The following SNX29 variants were observed in gnomAD, a reference collection of about 807,000 sequenced individuals.
The protein encoded by SNX29 is sorting nexin-29.
SNX29 carries 78 observed loss-of-function variants against 102.1 expected under a neutral mutation model. The observed-to-expected ratio is 0.76, with a 90% CI of 0.64 to 0.92. The LOEUF (loss-of-function observed/expected upper bound fraction) is 0.92. Ranked by LOEUF, SNX29 falls within the 40% of genes least tolerant of loss-of-function variation. SNX29 has a pLI of 0.00. For synonymous variants in SNX29, 580 were observed against 414.5 expected (o/e 1.40, Z -4.85); for missense variants, 1,280 against 1,061.7 (o/e 1.21, Z -2.86).
In SNX29 at chr16:12,047,523, T is replaced by C. The variant is rs544296379; in HGVS notation, c.500-849T>C. Among the ~76,000 whole-genome samples, 230 of 152,274 alleles carry C rather than the reference T, an allele frequency of 1.5e-3. 1 individual carries two copies. The highest frequency in any genetic ancestry group is 6.8e-3 in the Middle Eastern group (2 of 294). On this transcript the variant is annotated intron_variant, in intron 6 of 20. Transcript: ENST00000566228. Reference sequence around the variant, plus strand: ...GTTAACCAGTGCACATTTGATGGTTTATGGAGCTGAGTGTTTTGTGAGTGA... The same window carrying C: ...GTTAACCAGTGCACATTTGATGGTTCATGGAGCTGAGTGTTTTGTGAGTGA...
intron 18 of SNX29, among the ~76,000 whole-genome samples, chr16:12,410,462 T>C (rs75766911): frequency 0.018 from 2,688 of 152,262 alleles, 91 homozygotes; most frequent in African/African-American, 0.06. Flanking sequence ...TATTACTTTG[T>C]TGGAGACAGG....
At chr16:12,539,973 T>C (rs2077252821) in intron 20 of SNX29, among the ~76,000 whole-genome samples, 2 of 152,198 alleles carry the variant, frequency 1.3e-5, no homozygotes, top group African/African-American at 2.4e-5. Flanking sequence ...GTTGCACATA[T>C]TTTCTTCTAG....
chr16:12,051,710 T>A, intron 7 of SNX29, 137 bp from the exon 8 acceptor site: 1 of 1,294,990 alleles, frequency 7.7e-7, no homozygotes, highest in Non-Finnish European at 1.0e-6. Flanking sequence ...CTGAGGATTT[T>A]AAAAAGTCTG....
At chr16:12,291,905 T>G (rs2079809412) in intron 15 of SNX29, among the ~76,000 whole-genome samples, 1 of 152,140 alleles carries the variant, frequency 6.6e-6, no homozygotes, top group African/African-American at 2.4e-5. Context: ...GAGAGCCAGA[T>G]CAGTGGATAT....
chr16:12,398,416 T>G (rs779476923), intron 16 of SNX29, 30 bp from the exon 17 acceptor site: 2 of 1,613,270 alleles, frequency 1.2e-6, no homozygotes, highest in South Asian at 1.1e-5. Context: ...ATGCATTTTT[T>G]CTCCCCTCTC....
chr16:12,198,342 A>G (rs911579839), intron 13 of SNX29, among the ~76,000 whole-genome samples: 2 of 152,202 alleles, frequency 1.3e-5, no homozygotes, highest in Admixed American at 6.5e-5. Context: ...ACCTAGAGAA[A>G]TAATAGGATG....
chr16:12,417,697 C>G (rs1019707382), intron 18 of SNX29, among the ~76,000 whole-genome samples: 3 of 150,846 alleles, frequency 2.0e-5, no homozygotes, highest in African/African-American at 7.4e-5. Context: ...GTTCTGTGTC[C>G]TCTCTTCTCT....
At chr16:12,537,553 C>T (rs556389025) in intron 20 of SNX29, among the ~76,000 whole-genome samples, 9 of 152,272 alleles carry the variant, frequency 5.9e-5, no homozygotes, top group East Asian at 5.8e-4. Context: ...TGGAGCTTCT[C>T]GAAGGGAAGC....
At chr16:12,169,257 C>T (rs1018682117) in intron 13 of SNX29, among the ~76,000 whole-genome samples, 1 of 152,178 alleles carries the variant, frequency 6.6e-6, no homozygotes, top group African/African-American at 2.4e-5. Flanking sequence ...TCCGGGAGCC[C>T]CAGTTCTAGG....
chr16:12,536,470 T>G (rs997860020), intron 20 of SNX29, among the ~76,000 whole-genome samples: 1 of 152,164 alleles, frequency 6.6e-6, no homozygotes, highest in Non-Finnish European at 1.5e-5. Flanking sequence ...CTATGCCGTT[T>G]ACTTTATCAG....
Position 12,080,443 on chromosome 16 carries a change from C to T in SNX29, c.1402+1528C>T, listed in dbSNP as rs1323688895. On this transcript the variant is annotated intron_variant, in intron 11 of 20. Coordinates refer to ENST00000566228, the MANE Select transcript of SNX29 (RefSeq NM_032167.5). ...TTAATAGATCACTCAGTCCATGGGA[C>T]ACAGGGTGGGTGAGTATGTAGCTGG... Among the ~76,000 whole-genome samples the T allele has an allele frequency of 3.3e-5, 5 of 152,338 alleles. No homozygotes were observed. The East Asian group carries it at 9.6e-4, about 29-fold the overall frequency.
At chr16:12,478,445 AT>A (rs1172318325) in intron 19 of SNX29, among the ~76,000 whole-genome samples, 1 of 152,170 alleles carries the variant, frequency 6.6e-6, no homozygotes. Flanking sequence ...AAGGTTAATG[AT>A]TTATGATGAC....
chr16:12,518,738 T>C (rs945496081), intron 19 of SNX29, among the ~76,000 whole-genome samples: 1 of 152,190 alleles, frequency 6.6e-6, no homozygotes, highest in Non-Finnish European at 1.5e-5. Flanking sequence ...TGGTGGGCCA[T>C]GTCAGCTACC....
intron 1 of SNX29, chr16:11,977,944 C>T (rs2055338419): frequency 6.6e-6 from 1 of 152,234 alleles, no homozygotes. Context: ...TTCTGAGGAT[C>T]CCTGCATCCA....
At chr16:12,285,410 A>G (rs907090407) in intron 15 of SNX29, among the ~76,000 whole-genome samples, 1 of 152,234 alleles carries the variant, frequency 6.6e-6, no homozygotes, top group South Asian at 2.1e-4. Context: ...TAAGACACTT[A>G]TCGTTTACTG....
At chr16:12,254,712 G>A (rs957646854) in intron 14 of SNX29, among the ~76,000 whole-genome samples, 12 of 152,276 alleles carry the variant, frequency 7.9e-5, no homozygotes, top group South Asian at 2.1e-4. Context: ...TAGAAGCCAC[G>A]TGAGAGTGTG....
chr16:12,315,170 CAGA>C (rs1325333673), intron 15 of SNX29, among the ~76,000 whole-genome samples: 2 of 152,156 alleles, frequency 1.3e-5, no homozygotes, highest in Non-Finnish European at 2.9e-5. Flanking sequence ...GACTGTGAAG[CAGA>C]AGAAGAGTGG....
rs761232315 is a variant in SNX29 at position 12,574,153 on chromosome 16, GTTTAATTT to G, written c.*5530_*5537del. 3 of 181,464 alleles carry G rather than the reference GTTTAATTT, an allele frequency of 1.7e-5. No homozygotes were observed. The highest frequency in any genetic ancestry group is 4.7e-5 in the African/African-American group (2 of 42,446). 11.2% of individuals were successfully genotyped at this position (181,464 alleles called of 1,614,324 possible). On this transcript the variant is annotated 3_prime_UTR_variant, in exon 21 of 21. Transcript: ENST00000566228. ...CATAATAGGATTTTTAAACAAATGT[GTTTAATTT>G]TTTAAGATCTCTTGTATTAAAATTT...
chr16:12,535,066 C>T (rs2077036247), intron 20 of SNX29, among the ~76,000 whole-genome samples: 1 of 152,180 alleles, frequency 6.6e-6, no homozygotes, highest in African/African-American at 2.4e-5. Context: ...TGGGACTCCA[C>T]AGTCAAGAAA....
Sources: gnomAD v4.1 joint callset for allele counts (sites outside exome capture counted in the v4.1 genomes callset) on GRCh38, gnomAD v4.1.1 for gene constraint, MANE v1.5 for transcripts, NCBI Gene and HGNC (gene_info 2026-07-23, HGNC 2026-07-21) for gene names.